GPC6: variants seen among roughly 807,000 people sequenced by gnomAD.
GPC6 encodes glypican-6.
GPC6 carries 14 observed loss-of-function variants against 55.2 expected under a neutral mutation model. The observed-to-expected ratio is 0.25, with a 90% CI of 0.17 to 0.40. The LOEUF (loss-of-function observed/expected upper bound fraction) is 0.40, where lower values mean the gene tolerates loss of function less well. GPC6 is among the 10% of genes least tolerant of loss of function. GPC6 has a pLI of 1.00. For synonymous variants in GPC6, 278 were observed against 259.6 expected (o/e 1.07, Z -0.68); for missense variants, 641 against 708.5 (o/e 0.90, Z 1.08).
chr13:93,335,210 C>T (rs926208076), intron 1 of GPC6, among the ~76,000 whole-genome samples: 2 of 152,004 alleles, frequency 1.3e-5, no homozygotes, highest in African/African-American at 4.8e-5. Context: ...TGTTGTATGC[C>T]GTAAAAATAC....
chr13:93,410,591 A>C (rs539324879), intron 1 of GPC6, among the ~76,000 whole-genome samples: 5 of 152,296 alleles, frequency 3.3e-5, no homozygotes, highest in African/African-American at 1.2e-4. Context: ...ATGGGATACA[A>C]ATTTATTACG....
chr13:93,565,556 C>A (rs1351749065), intron 2 of GPC6, among the ~76,000 whole-genome samples: 5 of 152,192 alleles, frequency 3.3e-5, no homozygotes, highest in East Asian at 1.9e-4. Flanking sequence ...CTCAATTGGG[C>A]TTTGAAAAAG....
chr13:93,679,480 C>T (rs1881769649), intron 2 of GPC6, among the ~76,000 whole-genome samples: 1 of 152,020 alleles, frequency 6.6e-6, no homozygotes, highest in East Asian at 1.9e-4. Context: ...AAATGATGTC[C>T]CTATTTTTAA....
intron 2 of GPC6, among the ~76,000 whole-genome samples, chr13:93,759,533 A>G (rs1480124587): frequency 6.6e-6 from 1 of 152,220 alleles, no homozygotes; most frequent in Non-Finnish European, 1.5e-5. Flanking sequence ...CTACAAAATC[A>G]ATATAGCTTC....
chr13:94,022,098 C>T (rs1011371174), intron 3 of GPC6, among the ~76,000 whole-genome samples: 1 of 152,000 alleles, frequency 6.6e-6, no homozygotes, highest in South Asian at 2.1e-4. Context: ...CTCAGAGAAT[C>T]GCTGTAATCT....
intron 2 of GPC6, among the ~76,000 whole-genome samples, chr13:93,565,327 G>T (rs1876043799): frequency 6.6e-6 from 1 of 152,170 alleles, no homozygotes; most frequent in East Asian, 1.9e-4. Context: ...TGAAAAGCGT[G>T]CAAGGAAAAC....
At chr13:93,731,251 T>G (rs1883808829) in intron 2 of GPC6, among the ~76,000 whole-genome samples, 2 of 152,158 alleles carry the variant, frequency 1.3e-5, no homozygotes, top group Non-Finnish European at 2.9e-5. Flanking sequence ...TTTCTGGATC[T>G]GAATTCTTTT....
chr13:93,779,082 T>C (rs1885556119), intron 2 of GPC6, among the ~76,000 whole-genome samples: 1 of 152,244 alleles, frequency 6.6e-6, no homozygotes, highest in South Asian at 2.1e-4. Flanking sequence ...CATTTTATAT[T>C]AATCTGCCAA....
intron 4 of GPC6, among the ~76,000 whole-genome samples, chr13:94,248,283 C>G (rs539942367): frequency 4.0e-4 from 61 of 152,254 alleles, no homozygotes; most frequent in African/African-American, 1.4e-3. Flanking sequence ...ACCTCCTGTT[C>G]TGACAGCAAC....
chr13:94,302,428 C>A (rs1875700401), intron 5 of GPC6, among the ~76,000 whole-genome samples: 1 of 152,150 alleles, frequency 6.6e-6, no homozygotes, highest in African/African-American at 2.4e-5. Context: ...AAGGACCTAC[C>A]TCCTAATTCC....
intron 1 of GPC6, among the ~76,000 whole-genome samples, chr13:93,508,588 A>G (rs1880822093): frequency 6.6e-6 from 1 of 152,370 alleles, no homozygotes; most frequent in East Asian, 1.9e-4. Flanking sequence ...TTACTTATGT[A>G]TTAACAAAAG....
At chr13:93,822,791 A>G (rs1887099276) in intron 2 of GPC6, among the ~76,000 whole-genome samples, 1 of 150,862 alleles carries the variant, frequency 6.6e-6, no homozygotes, top group Non-Finnish European at 1.5e-5. Context: ...TTTTTTATGG[A>G]TCCATAGTAT....
chr13:93,382,763 A>G (rs1447547161), intron 1 of GPC6, among the ~76,000 whole-genome samples: 1 of 152,170 alleles, frequency 6.6e-6, no homozygotes, highest in Non-Finnish European at 1.5e-5. Context: ...TATGTCTAGC[A>G]TTGTTTCTCA....
chr13:93,296,941 C>T (rs1267501142), intron 1 of GPC6, among the ~76,000 whole-genome samples: 1 of 152,082 alleles, frequency 6.6e-6, no homozygotes, highest in Admixed American at 6.6e-5. Context: ...AAAGATAGGC[C>T]AAATACAGGG....
rs562134272 is a variant in GPC6, at chr13:93,887,926, C to T, written c.711+57381C>T. Among the ~76,000 whole-genome samples, 9 of 152,224 alleles carry T rather than the reference C, an allele frequency of 5.9e-5. No individual in the cohort carries two copies. In the South Asian group the frequency reaches 1.5e-3, roughly 25 times the overall value. ...AAATGGCATCAGGACATTCTGACTA[C>T]GGGTTGTGGCTTATGGCCAGCAGTC... On this transcript the variant is annotated intron_variant, in intron 3 of 8. Coordinates refer to ENST00000377047, the MANE Select transcript of GPC6 (RefSeq NM_005708.5).
intron 4 of GPC6, among the ~76,000 whole-genome samples, chr13:94,259,143 C>G (rs1891586292): frequency 6.6e-6 from 1 of 151,940 alleles, no homozygotes; most frequent in Non-Finnish European, 1.5e-5. Flanking sequence ...CCCAGAAGCC[C>G]CCTTCTCATT....
At chr13:93,399,409 G>A (rs1320823751) in intron 1 of GPC6, among the ~76,000 whole-genome samples, 1 of 152,172 alleles carries the variant, frequency 6.6e-6, no homozygotes, top group Non-Finnish European at 1.5e-5. Context: ...GCAGTGCCTA[G>A]CATATGGCAA....
At chr13:93,777,786 C>A (rs1885517187) in intron 2 of GPC6, among the ~76,000 whole-genome samples, 2 of 152,108 alleles carry the variant, frequency 1.3e-5, no homozygotes, top group Non-Finnish European at 2.9e-5. Flanking sequence ...CTACATATAT[C>A]TATACATTAT....
chr13:93,496,093 C>G (rs1443769174), intron 1 of GPC6, among the ~76,000 whole-genome samples: 2 of 152,090 alleles, frequency 1.3e-5, no homozygotes, highest in Non-Finnish European at 2.9e-5. Context: ...CTAAGCAAGC[C>G]TGGGCAATGG....
Sources: allele counts gnomAD v4.1 joint callset (sites outside exome capture counted in the v4.1 genomes callset), GRCh38; gene constraint gnomAD v4.1.1; transcripts MANE v1.5; gene names NCBI Gene and HGNC (gene_info 2026-07-23, HGNC 2026-07-21).